The following RPS6KC1 variants were observed in gnomAD, a reference collection of about 807,000 sequenced individuals.
RPS6KC1 encodes the protein inactive ribosomal protein S6 kinase delta-1.
Under a neutral mutation model 103.8 loss-of-function variants are expected in RPS6KC1, and 54 were observed. The ratio of observed to expected loss-of-function variants is 0.52; its 90% CI spans 0.42 to 0.65. The LOEUF is 0.65. RPS6KC1 is among the 30% of genes least tolerant of loss of function. RPS6KC1 has a pLI of 0.00. For synonymous variants in RPS6KC1, 439 were observed against 438.7 expected, an observed-to-expected ratio of 1.00 and a Z score of -0.01; for missense variants, 1,151 against 1,253.8, an observed-to-expected ratio of 0.92 and a Z score of 1.24.
At chr1:213,159,526 G>A (rs770457919) in intron 6 of RPS6KC1, among the ~76,000 whole-genome samples, 1 of 152,196 alleles carries the variant, frequency 6.6e-6, no homozygotes, top group Non-Finnish European at 1.5e-5. Context: ...TACAGTTGAC[G>A]AAGCATGGAC....
chr1:213,823,904 C>T, the RPS6KC1 span, among the ~76,000 whole-genome samples: 1 of 152,130 alleles, frequency 6.6e-6, no homozygotes, highest in African/African-American at 2.4e-5. Context: ...TTGATCTCCA[C>T]AATCAGATGA....
At chr1:213,507,280 A>G in the RPS6KC1 span, among the ~76,000 whole-genome samples, 1 of 152,004 alleles carries the variant, frequency 6.6e-6, no homozygotes, top group Non-Finnish European at 1.5e-5. Flanking sequence ...TGAGCACGCA[A>G]CCTGCCTGGC....
At chr1:213,808,775 C>T in the RPS6KC1 span, among the ~76,000 whole-genome samples, 13 of 152,334 alleles carry the variant, frequency 8.5e-5, no homozygotes, top group South Asian at 2.1e-4. Flanking sequence ...GCACACGGTG[C>T]GCTGCACCCA....
chr1:213,179,516 T>C (rs145148933), intron 8 of RPS6KC1, among the ~76,000 whole-genome samples: 1 of 152,264 alleles, frequency 6.6e-6, no homozygotes, highest in East Asian at 1.9e-4. Context: ...TACCTAAAAT[T>C]TGGGTTTTAG....
Position 213,240,793 on chromosome 1 carries a change from A to G in RPS6KC1, c.1317A>G (p.Ala439=). ...AGGAAGTGAAAAAACCTACACTTGCAAAAGTTCACCTGCAGCAGCCAACTT... is the reference window on the plus strand; with the variant it reads ...AGGAAGTGAAAAAACCTACACTTGCGAAAGTTCACCTGCAGCAGCCAACTT... ...DIKEVKKPTL[A]KVHLQQPTSS... is the part of the protein sequence containing the mutation. The change falls in exon 11 of 15, where the codon GCA becomes GCG. Residue 439 remains alanine (A), a synonymous_variant. Coordinates refer to ENST00000366960, the MANE Select transcript of RPS6KC1 (RefSeq NM_012424.6). 3 of 1,613,956 alleles carry G rather than the reference A, an allele frequency of 1.9e-6. No individual in the cohort carries two copies. The highest frequency in any genetic ancestry group is 2.2e-5 in the South Asian group (2 of 91,074).
chr1:213,471,924 T>G, the RPS6KC1 span, among the ~76,000 whole-genome samples: 1 of 151,574 alleles, frequency 6.6e-6, no homozygotes, highest in Non-Finnish European at 1.5e-5. Context: ...GAAAAGAGGG[T>G]TTCCAAGAGA....
intron 4 of RPS6KC1, among the ~76,000 whole-genome samples, chr1:213,111,374 A>C (rs2083016278): frequency 6.6e-6 from 1 of 152,146 alleles, no homozygotes; most frequent in South Asian, 2.1e-4. Context: ...GAAACACCTA[A>C]AAGGTTATTT....
chr1:213,606,458 T>C, the RPS6KC1 span, among the ~76,000 whole-genome samples: 1 of 152,180 alleles, frequency 6.6e-6, no homozygotes, highest in Non-Finnish European at 1.5e-5. Flanking sequence ...CCTTGCCAAG[T>C]CAGGGCAGCG....
chr1:213,335,695 T>G, the RPS6KC1 span, among the ~76,000 whole-genome samples: 1 of 152,190 alleles, frequency 6.6e-6, no homozygotes, highest in Non-Finnish European at 1.5e-5. Flanking sequence ...TGGGGAAATA[T>G]AGGTTTTATT....
the RPS6KC1 span, among the ~76,000 whole-genome samples, chr1:213,289,199 CA>C: frequency 4.4e-5 from 5 of 113,596 alleles, no homozygotes; most frequent in Admixed American, 6.7e-4. Context: ...CTTTAGAGCT[CA>C]AATGAGGGCT....
intron 12 of RPS6KC1, among the ~76,000 whole-genome samples, chr1:213,253,570 A>C (rs2094581568): frequency 6.6e-6 from 1 of 152,206 alleles, no homozygotes; most frequent in South Asian, 2.1e-4. Context: ...TTCAATTTCC[A>C]GTATAATGTT....
In RPS6KC1 at chr1:213,241,393, CAG is replaced by C. The variant is rs1491329520; in HGVS notation, c.1918_1919del (p.Ser640CysfsTer3). On this transcript the variant is annotated frameshift_variant, in exon 11 of 15. Coordinates refer to ENST00000366960, the MANE Select transcript of RPS6KC1 (RefSeq NM_012424.6). LOFTEE classifies it high-confidence loss of function. ...KPFFTLPDGD[S>X]ASRSFNTSES... is the part of the protein sequence containing the mutation. ...CATTCTTTACTCTTCCAGATGGAGA[CAG>C]TGCTTCTAGGAGTTTTAATACTAGT... 6.2e-7 allele frequency: 1 copy of C among 1,613,848 alleles called. No homozygotes were observed. The highest frequency in any genetic ancestry group is 1.1e-5 in the South Asian group (1 of 91,086).
the RPS6KC1 span, among the ~76,000 whole-genome samples, chr1:213,827,182 T>C: frequency 5.3e-5 from 8 of 152,248 alleles, no homozygotes; most frequent in South Asian, 4.1e-4. Context: ...GACTCCCACA[T>C]GTTATTGAAC....
chr1:213,405,915 G>C, the RPS6KC1 span, among the ~76,000 whole-genome samples: 2 of 152,202 alleles, frequency 1.3e-5, no homozygotes, highest in Non-Finnish European at 2.9e-5. Context: ...GGGCCATGGC[G>C]GTGAAGCCTC....
At chr1:213,659,382 C>T in the RPS6KC1 span, among the ~76,000 whole-genome samples, 2 of 152,138 alleles carry the variant, frequency 1.3e-5, no homozygotes, top group Non-Finnish European at 2.9e-5. Flanking sequence ...TTCATGCCAT[C>T]CAAGAATCCT....
the RPS6KC1 span, among the ~76,000 whole-genome samples, chr1:213,430,537 T>G: frequency 6.6e-6 from 1 of 152,216 alleles, no homozygotes; most frequent in East Asian, 1.9e-4. Flanking sequence ...ATGACTCTCT[T>G]GCATTTCTGT....
the RPS6KC1 span, among the ~76,000 whole-genome samples, chr1:213,284,717 G>T: frequency 6.6e-6 from 1 of 151,816 alleles, no homozygotes; most frequent in Admixed American, 6.6e-5. Flanking sequence ...ACTAATTCAA[G>T]AAAACTTCTG....
At chr1:213,490,466 G>C in the RPS6KC1 span, among the ~76,000 whole-genome samples, 1 of 152,150 alleles carries the variant, frequency 6.6e-6, no homozygotes, top group Non-Finnish European at 1.5e-5. Context: ...CTCTGTATGA[G>C]GTGAAGCGGG....
chr1:213,279,962 C>G, the RPS6KC1 span, among the ~76,000 whole-genome samples: 3 of 152,228 alleles, frequency 2.0e-5, no homozygotes, highest in Non-Finnish European at 4.4e-5. Flanking sequence ...GATTCTGATG[C>G]TTGCTCAAGT....
Sources: gnomAD v4.1 joint callset for allele counts (sites outside exome capture counted in the v4.1 genomes callset) on GRCh38, gnomAD v4.1.1 for gene constraint, MANE v1.5 for transcripts, NCBI Gene and HGNC (gene_info 2026-07-23, HGNC 2026-07-21) for gene names.